The following OPRM1 variants were observed in gnomAD, a reference collection of about 807,000 sequenced individuals.
The protein encoded by OPRM1 is opioid receptor mu 1.
In OPRM1, 27 loss-of-function variants were observed where a neutral mutation model predicts 31.8. That is an observed-to-expected ratio of 0.85 (90% CI 0.63 to 1.17). The LOEUF (loss-of-function observed/expected upper bound fraction) is 1.17. OPRM1 is among the 50% of genes most tolerant of loss of function. The pLI, the probability that OPRM1 is intolerant of heterozygous loss-of-function variation, is 0.00. For missense variants in OPRM1, 536 were observed against 511.1 expected (o/e 1.05, Z -0.47); for synonymous variants, 196 against 189.9 (o/e 1.03, Z -0.26).
intron 1 of OPRM1, among the ~76,000 whole-genome samples, chr6:154,022,559 C>T (rs1239243521): frequency 6.6e-6 from 1 of 150,968 alleles, no homozygotes; most frequent in Non-Finnish European, 1.5e-5. Context: ...TTAAAGTTGA[C>T]ATGATATCAT....
At chr6:154,201,067 T>C (rs1325213109) in intron 3 of OPRM1, among the ~76,000 whole-genome samples, 3 of 152,208 alleles carry the variant, frequency 2.0e-5, no homozygotes, top group Admixed American at 6.5e-5. Flanking sequence ...CACTCACTCT[T>C]TCTGCTGCCA....
chr6:154,152,356 G>GAAAAGA (rs1194971757), intron 3 of OPRM1, among the ~76,000 whole-genome samples: 2 of 142,724 alleles, frequency 1.4e-5, no homozygotes, highest in African/African-American at 5.6e-5. Context: ...AGGAAAGAAA[G>GAAAAGA]AAAGAAAGAA....
chr6:154,174,972 C>G (rs961296657), intron 3 of OPRM1, among the ~76,000 whole-genome samples: 4 of 152,226 alleles, frequency 2.6e-5, no homozygotes, highest in African/African-American at 9.6e-5. Flanking sequence ...AACAAACTGT[C>G]TCTCAGACCA....
intron 3 of OPRM1, among the ~76,000 whole-genome samples, chr6:154,092,866 T>G (rs778309257): frequency 2.0e-5 from 3 of 152,218 alleles, no homozygotes; most frequent in Non-Finnish European, 4.4e-5. Context: ...AAAGGGAAAT[T>G]AACTTATTAT....
At chr6:154,011,253 GAGTA>G (rs890660352) in intron 1 of OPRM1, among the ~76,000 whole-genome samples, 1 of 152,152 alleles carries the variant, frequency 6.6e-6, no homozygotes, top group Admixed American at 6.6e-5. Context: ...AGTGGCCATA[GAGTA>G]AGTGATTTTT....
At chr6:154,180,403 TATATATATA>T (rs1180437532) in intron 3 of OPRM1, among the ~76,000 whole-genome samples, 85 of 42,832 alleles carry the variant, frequency 2.0e-3, no homozygotes, top group African/African-American at 5.7e-3. Flanking sequence ...TATATATATA[TATATATATA>T]TATTTTTTTT....
chr6:154,187,915 C>T (rs1175221844), intron 3 of OPRM1, among the ~76,000 whole-genome samples: 1 of 152,120 alleles, frequency 6.6e-6, no homozygotes, highest in Non-Finnish European at 1.5e-5. Flanking sequence ...TACCTACTTC[C>T]AACTTGGTGG....
chr6:154,198,650 A>G (rs1019049314), intron 3 of OPRM1, among the ~76,000 whole-genome samples: 1 of 151,980 alleles, frequency 6.6e-6, no homozygotes, highest in African/African-American at 2.4e-5. Flanking sequence ...ACACACACAC[A>G]CACACACACA....
intron 3 of OPRM1, among the ~76,000 whole-genome samples, chr6:154,226,332 C>T (rs1039053004): frequency 2.6e-5 from 4 of 152,184 alleles, no homozygotes; most frequent in African/African-American, 9.7e-5. Flanking sequence ...AGCCTATTCC[C>T]ATGGGCCCCG....
intron 3 of OPRM1, among the ~76,000 whole-genome samples, chr6:154,152,335 GAAAGAAAGAAAGGAAA>G (rs1304307940): frequency 1.5e-4 from 5 of 33,936 alleles, no homozygotes; most frequent in Admixed American, 1.1e-3. Context: ...AAGAAAGAAA[GAAAGAAAGAAAGGAAA>G]GAAAGAAAGA....
At chr6:154,084,767 T>A (rs2128474112) in intron 1 of OPRM1, among the ~76,000 whole-genome samples, 1 of 152,294 alleles carries the variant, frequency 6.6e-6, no homozygotes. Flanking sequence ...CTGAATTAGG[T>A]ATCTTTCTTC....
Position 154,131,674 on chromosome 6 carries a change from A to T in OPRM1, c.*12953A>T, listed in dbSNP as rs531229264. ...ATAGTTTCTGTTTTACGGATTTTGT[A>T]TCCAAGTAAATGAAAACACAATCAC... On this transcript the variant is annotated 3_prime_UTR_variant, in exon 4 of 4. Coordinates refer to ENST00000330432, the MANE Select transcript of OPRM1 (RefSeq NM_000914.5). Among the ~76,000 whole-genome samples the T allele has an allele frequency of 1.8e-4, 28 of 152,360 alleles. No individual in the cohort carries two copies. The highest frequency in any genetic ancestry group is 6.5e-4 in the African/African-American group (27 of 41,596).
chr6:154,137,705 CAT>C (rs1483030735), intron 3 of OPRM1, among the ~76,000 whole-genome samples: 20 of 152,150 alleles, frequency 1.3e-4, no homozygotes, highest in Non-Finnish European at 2.4e-4. Flanking sequence ...TCAAATAACA[CAT>C]GTTTTATATA....
intron 3 of OPRM1, chr6:154,158,343 A>G (rs1374029239): frequency 6.6e-6 from 1 of 152,202 alleles, no homozygotes; most frequent in Non-Finnish European, 1.5e-5. Flanking sequence ...TAGTAAGGGA[A>G]GACTTTCATA....
rs548764138 is a variant in OPRM1, at chr6:154,116,798, A to T, written c.1165-1885A>T. 2.6e-5 allele frequency among the ~76,000 whole-genome samples: 4 copies of T among 152,116 alleles called. No homozygotes were observed. In the South Asian group the frequency reaches 8.3e-4, roughly 32 times the overall value. Reference sequence around the variant, plus strand: ...AAGGCATAACCTTTCTTACTCCTTCATTACACCAATGCAGCAGCCAAGTGT... The same window carrying T: ...AAGGCATAACCTTTCTTACTCCTTCTTTACACCAATGCAGCAGCCAAGTGT... On this transcript the variant is annotated intron_variant, in intron 3 of 3. Coordinates refer to ENST00000330432, the MANE Select transcript of OPRM1 (RefSeq NM_000914.5).
At chr6:154,239,120 A>G (rs1033724348) in intron 3 of OPRM1, among the ~76,000 whole-genome samples, 2 of 152,120 alleles carry the variant, frequency 1.3e-5, no homozygotes, top group African/African-American at 4.8e-5. Context: ...TGAGAACAAG[A>G]CAAAAGAAAC....
Position 154,084,831 on chromosome 6 carries a change from G to T in OPRM1, c.291-4995G>T, listed in dbSNP as rs149732081. On this transcript the variant is annotated intron_variant, in intron 1 of 3. Coordinates refer to ENST00000330432, the MANE Select transcript of OPRM1 (RefSeq NM_000914.5). ...CAGAAAAATTAGCCCCAAAAGAGATGAAACTCTTCCGTCCATCACCATTGA... is the reference window on the plus strand; with the variant it reads ...CAGAAAAATTAGCCCCAAAAGAGATTAAACTCTTCCGTCCATCACCATTGA... Among the ~76,000 whole-genome samples, 6 of 151,846 alleles carry T rather than the reference G, an allele frequency of 4.0e-5. No homozygotes were observed. In the East Asian group the frequency reaches 1.2e-3, roughly 30 times the overall value.
chr6:154,126,515 T>C lies in OPRM1; in HGVS notation c.*7794T>C, dbSNP rs565647692. Among the ~76,000 whole-genome samples the C allele has an allele frequency of 6.6e-6, 1 of 152,346 alleles. No individual in the cohort carries two copies. Among genetic ancestry groups the C allele is most frequent in the South Asian group, 2.1e-4 (1 of 4,830 alleles). On this transcript the variant is annotated 3_prime_UTR_variant, in exon 4 of 4. Transcript: ENST00000330432. Reference sequence around the variant, plus strand: ...AATTCAAATGTCTCATAGGCTCTTCTTCCCTGGTTCCCTCAGGAGCTGGGT... The same window carrying C: ...AATTCAAATGTCTCATAGGCTCTTCCTCCCTGGTTCCCTCAGGAGCTGGGT...
chr6:154,171,653 T>C (rs1321011261), intron 3 of OPRM1, among the ~76,000 whole-genome samples: 2 of 152,158 alleles, frequency 1.3e-5, no homozygotes, highest in East Asian at 3.8e-4. Flanking sequence ...CTATAAAAAG[T>C]AGTCATTTAT....
Sources: gnomAD v4.1 joint callset for allele counts (sites outside exome capture counted in the v4.1 genomes callset) on GRCh38, gnomAD v4.1.1 for gene constraint, MANE v1.5 for transcripts, NCBI Gene and HGNC (gene_info 2026-07-23, HGNC 2026-07-21) for gene names.